The following ITSN1 variants were observed in gnomAD, a reference collection of about 807,000 sequenced individuals.
The protein encoded by ITSN1 is intersectin-1.
In ITSN1, 58 loss-of-function variants were observed where a neutral mutation model predicts 239.8. The observed-to-expected ratio is 0.24, with a 90% CI of 0.20 to 0.30. The LOEUF (loss-of-function observed/expected upper bound fraction) is 0.30. Among genes scored for constraint, ITSN1 ranks in the 10% least tolerant of loss-of-function variants. The probability of loss-of-function intolerance (pLI) is 1.00; values close to 1 mark genes in which losing one functional copy is unlikely to be tolerated. For synonymous variants in ITSN1, 780 were observed against 770.8 expected (o/e 1.01, Z -0.20); for missense variants, 1,558 against 2,103.3 (o/e 0.74, Z 5.07).
At position 33,899,142 on chromosome 21, in the gene ITSN1, T is replaced by TC. The variant is rs1235994221; in HGVS notation, c.*10843dup. On this transcript the variant is annotated 3_prime_UTR_variant, in exon 40 of 40. Coordinates refer to ENST00000381318, the MANE Select transcript of ITSN1 (RefSeq NM_003024.3). ...CTGTGAGTGGAAACAAGTCAGCCAG[T>TC]CAACTGTCCCTTGGGCCTTGGTTGT... 1 of 152,200 alleles carries TC rather than the reference T, an allele frequency of 6.6e-6. No homozygotes were observed. Among genetic ancestry groups the TC allele is most frequent in the Non-Finnish European group, 1.5e-5 (1 of 68,064 alleles). The allele number at this position is 152,200 out of a possible 1,614,324, so 9.4% of individuals were successfully genotyped here. A position where few individuals can be genotyped will look rare whatever the true frequency, so the allele number is the denominator to read the frequency against.
chr21:33,685,747 C>T (rs1276257367), intron 1 of ITSN1, among the ~76,000 whole-genome samples: 1 of 151,914 alleles, frequency 6.6e-6, no homozygotes, highest in African/African-American at 2.4e-5. Flanking sequence ...TTTGACCTTG[C>T]ACTTTAAACT....
Position 33,763,119 on chromosome 21 carries a change from G to A in ITSN1, c.788+1133G>A, listed in dbSNP as rs75515974. ...TTCAGCTCAGGACTGAAATAAGCCT[G>A]TATTTTGCAATACTTGAGTTTTCCA... is the stretch of plus-strand genomic sequence containing the variant. On this transcript the variant is annotated intron_variant, in intron 9 of 39. Transcript: ENST00000381318. Among the ~76,000 whole-genome samples the A allele has an allele frequency of 7.7e-3, 1,132 of 147,336 alleles. 15 individuals carry two copies. Among genetic ancestry groups the A allele is most frequent in the African/African-American group, 0.027 (1,077 of 40,078 alleles).
At chr21:33,698,588 A>G (rs2091892097) in intron 1 of ITSN1, among the ~76,000 whole-genome samples, 1 of 152,224 alleles carries the variant, frequency 6.6e-6, no homozygotes. Context: ...TAGCACATGT[A>G]GAAGCCACAT....
chr21:33,672,216 TAA>T (rs565617618), intron 1 of ITSN1, among the ~76,000 whole-genome samples: 2 of 142,380 alleles, frequency 1.4e-5, no homozygotes, highest in African/African-American at 5.2e-5. Context: ...AAACTCTGTC[TAA>T]AAAAAAAAAA....
At chr21:33,699,851 C>T (rs1246106015) in intron 1 of ITSN1, among the ~76,000 whole-genome samples, 1 of 152,192 alleles carries the variant, frequency 6.6e-6, no homozygotes, top group Non-Finnish European at 1.5e-5. Context: ...CCTCGAACTC[C>T]TGGGACAAAA....
chr21:33,705,132 C>T (rs201833489), intron 1 of ITSN1, among the ~76,000 whole-genome samples: 2 of 139,810 alleles, frequency 1.4e-5, no homozygotes, highest in African/African-American at 5.3e-5. Flanking sequence ...AAAAAAAAGA[C>T]AAAATGTTTT....
At chr21:33,843,858 T>C (rs1306661030) in intron 29 of ITSN1, among the ~76,000 whole-genome samples, 1 of 152,226 alleles carries the variant, frequency 6.6e-6, no homozygotes, top group African/African-American at 2.4e-5. Flanking sequence ...GAGATAATGA[T>C]GACATCTAGC....
chr21:33,775,019 T>C lies in ITSN1; in HGVS notation c.1507T>C (p.Leu503=), dbSNP rs148635676. 1.1e-4 allele frequency: 185 copies of C among 1,614,032 alleles called. No homozygotes were observed. The African/African-American group carries it at 2.2e-3, about 19-fold the overall frequency. Residue 503 remains leucine (L), a synonymous_variant, in exon 14 of 40, where the codon TTG becomes CTG. Transcript: ENST00000381318. ...GAAACTTCAAGATATCAGATGTCGA[T>C]TGACCACCCAAAGGCAAGAAATTGA... is the stretch of plus-strand genomic sequence containing the variant. ...EGKLQDIRCR[L]TTQRQEIEST...
chr21:33,723,935 A>T (rs966188405), intron 4 of ITSN1, among the ~76,000 whole-genome samples: 1 of 152,250 alleles, frequency 6.6e-6, no homozygotes, highest in African/African-American at 2.4e-5. Context: ...TTTTAAATTT[A>T]TAATCTTGTG....
chr21:33,714,481 G>A (rs951183791), intron 1 of ITSN1, among the ~76,000 whole-genome samples: 4 of 152,104 alleles, frequency 2.6e-5, no homozygotes, highest in African/African-American at 9.7e-5. Flanking sequence ...AGAGTAGCAT[G>A]GTAAATAACA....
chr21:33,834,686 T>A (rs2074499647), intron 28 of ITSN1, among the ~76,000 whole-genome samples: 1 of 152,184 alleles, frequency 6.6e-6, no homozygotes, highest in Non-Finnish European at 1.5e-5. Flanking sequence ...TGCTGTGGCA[T>A]TAAGGCCACA....
chr21:33,715,556 G>A (rs990743194), intron 1 of ITSN1, among the ~76,000 whole-genome samples: 1 of 152,148 alleles, frequency 6.6e-6, no homozygotes, highest in Admixed American at 6.5e-5. Flanking sequence ...ACACTAAAAT[G>A]TTCAAGAGAA....
chr21:33,833,378 A>C (rs1005006089), intron 27 of ITSN1, among the ~76,000 whole-genome samples: 2 of 152,200 alleles, frequency 1.3e-5, no homozygotes, highest in Non-Finnish European at 2.9e-5. Context: ...TGTGTACTGC[A>C]TGTATGTCAT....
At chr21:33,792,591 A>G (rs2071224556) in intron 16 of ITSN1, among the ~76,000 whole-genome samples, 1 of 152,196 alleles carries the variant, frequency 6.6e-6, no homozygotes, top group Non-Finnish European at 1.5e-5. Flanking sequence ...ATTAAAATTA[A>G]GTTTTACATC....
chr21:33,647,877 G>A (rs543703484), intron 1 of ITSN1, among the ~76,000 whole-genome samples: 2 of 152,310 alleles, frequency 1.3e-5, no homozygotes, highest in African/African-American at 4.8e-5. Context: ...TTATAACCCT[G>A]CAGTGACTGT....
intron 24 of ITSN1, 42 bp from the exon 25 acceptor site, chr21:33,823,445 A>T (rs1486468031): frequency 6.4e-7 from 1 of 1,565,310 alleles, no homozygotes. Flanking sequence ...ATTTCTTTAA[A>T]CAATCAAGCT....
intron 16 of ITSN1, among the ~76,000 whole-genome samples, chr21:33,785,739 A>C (rs2070611901): frequency 6.6e-6 from 1 of 152,186 alleles, no homozygotes; most frequent in Non-Finnish European, 1.5e-5. Context: ...CTCCATATTC[A>C]AAGTCGTGGG....
At chr21:33,834,252 T>G in intron 27 of ITSN1, 55 bp from the exon 28 acceptor site, 1 of 1,228,372 alleles carries the variant, frequency 8.1e-7, no homozygotes, top group African/African-American at 1.5e-5. Context: ...TAAAGTGAGC[T>G]GTATTATAAA....
chr21:33,847,131 G>T (rs2075012291), intron 29 of ITSN1, among the ~76,000 whole-genome samples: 1 of 152,216 alleles, frequency 6.6e-6, no homozygotes. Context: ...AGCAGGCTAT[G>T]GGTGCTTAGA....
Sources: gnomAD v4.1 joint callset for allele counts (sites outside exome capture counted in the v4.1 genomes callset) on GRCh38, gnomAD v4.1.1 for gene constraint, MANE v1.5 for transcripts, NCBI Gene and HGNC (gene_info 2026-07-23, HGNC 2026-07-21) for gene names.